The following CYP7B1 variants were observed in gnomAD, a reference collection of about 807,000 sequenced individuals.
The protein encoded by CYP7B1 is cytochrome P450 7B1.
CYP7B1 carries 29 observed loss-of-function variants against 42.7 expected under a neutral mutation model. That is an observed-to-expected ratio of 0.68 (90% confidence interval 0.51 to 0.93). The LOEUF is 0.93. CYP7B1 is among the 40% of genes least tolerant of loss of function. The probability of loss-of-function intolerance (pLI) is 0.00; values close to 1 mark genes in which losing one functional copy is unlikely to be tolerated. For synonymous variants in CYP7B1, 235 were observed against 218.2 expected (o/e 1.08, Z -0.68); for missense variants, 655 against 600.5 (o/e 1.09, Z -0.95).
intron 1 of CYP7B1, among the ~76,000 whole-genome samples, chr8:64,667,563 A>G (rs1307939292): frequency 6.6e-6 from 1 of 152,180 alleles, no homozygotes; most frequent in Non-Finnish European, 1.5e-5. Flanking sequence ...AATAACTATT[A>G]TTATCTGATC....
chr8:64,636,608 C>A (rs905825261), intron 1 of CYP7B1, among the ~76,000 whole-genome samples: 1 of 152,050 alleles, frequency 6.6e-6, no homozygotes, highest in East Asian at 1.9e-4. Context: ...TCTTTATTTG[C>A]CTAATTTAGA....
At chr8:64,608,577 G>A (rs1356984158) in intron 4 of CYP7B1, among the ~76,000 whole-genome samples, 1 of 152,092 alleles carries the variant, frequency 6.6e-6, no homozygotes, top group Non-Finnish European at 1.5e-5. Context: ...GCTGAACACT[G>A]GGTGATCTTA....
intron 1 of CYP7B1, among the ~76,000 whole-genome samples, chr8:64,666,602 A>ATGTGG (rs1806283716): frequency 6.6e-6 from 1 of 152,220 alleles, no homozygotes; most frequent in South Asian, 2.1e-4. Flanking sequence ...ACAGCTTGCC[A>ATGTGG]CAGTGGGCAG....
Position 64,658,704 on chromosome 8 carries a change from G to A in CYP7B1, c.123-34165C>T, listed in dbSNP as rs916079395. Among the ~76,000 whole-genome samples, 10 of 152,070 alleles carry A rather than the reference G, an allele frequency of 6.6e-5. No homozygotes were observed. The South Asian group carries it at 8.3e-4, about 13-fold the overall frequency. On this transcript the variant is annotated intron_variant, in intron 1 of 5. Transcript: ENST00000310193. ...CCTCATTTATGTTGTTAGGTTGTCCGCCTTCACTAAGCTCCTCTGGCTGCA... is the reference window on the plus strand; with the variant it reads ...CCTCATTTATGTTGTTAGGTTGTCCACCTTCACTAAGCTCCTCTGGCTGCA...
In CYP7B1 at chr8:64,662,918, T is replaced by A. The variant is rs78100178; in HGVS notation, c.123-38379A>T. Among the ~76,000 whole-genome samples, 187 of 152,338 alleles carry A rather than the reference T, an allele frequency of 1.2e-3. 7 individuals are homozygous for A. In the East Asian group the frequency reaches 0.03, roughly 24 times the overall value. ...ACTCTGCCTTTCCTATAGCCTGACCTCTGACAATCTATGTGAGTTCACATT... is the reference window on the plus strand; with the variant it reads ...ACTCTGCCTTTCCTATAGCCTGACCACTGACAATCTATGTGAGTTCACATT... On this transcript the variant is annotated intron_variant, in intron 1 of 5. Coordinates refer to ENST00000310193, the MANE Select transcript of CYP7B1 (RefSeq NM_004820.5).
chr8:64,617,065 GA>G (rs1336526199), intron 2 of CYP7B1, among the ~76,000 whole-genome samples: 1 of 152,144 alleles, frequency 6.6e-6, no homozygotes, highest in Non-Finnish European at 1.5e-5. Flanking sequence ...CGGCAGGGGT[GA>G]AACACAGCAT....
At chr8:64,600,931 C>G (rs547106008) in intron 5 of CYP7B1, among the ~76,000 whole-genome samples, 1 of 152,050 alleles carries the variant, frequency 6.6e-6, no homozygotes, top group Admixed American at 6.6e-5. Flanking sequence ...GGGGAAGGGA[C>G]CTTTTTATTT....
At chr8:64,716,161 TCTTA>T (rs938693641) in intron 1 of CYP7B1, among the ~76,000 whole-genome samples, 2 of 152,234 alleles carry the variant, frequency 1.3e-5, no homozygotes, top group African/African-American at 4.8e-5. Context: ...TTCTGAATTC[TCTTA>T]CTTAAAATTA....
chr8:64,667,452 C>G (rs1806298555), intron 1 of CYP7B1, among the ~76,000 whole-genome samples: 1 of 152,134 alleles, frequency 6.6e-6, no homozygotes, highest in Admixed American at 6.5e-5. Flanking sequence ...AACAAGCCAC[C>G]AATTTCCTAA....
intron 1 of CYP7B1, 69 bp from the exon 2 acceptor site, chr8:64,624,608 G>A: frequency 2.5e-6 from 4 of 1,571,574 alleles, no homozygotes; most frequent in Non-Finnish European, 3.5e-6. Context: ...AATACAGGTG[G>A]TTTATTTACT....
At chr8:64,686,991 C>A (rs1390389438) in intron 1 of CYP7B1, among the ~76,000 whole-genome samples, 34 of 132,246 alleles carry the variant, frequency 2.6e-4, no homozygotes, top group Non-Finnish European at 4.8e-4. Flanking sequence ...ACAAACACTG[C>A]GGAAGGCCGC....
At chr8:64,688,052 C>A (rs895153183) in intron 1 of CYP7B1, among the ~76,000 whole-genome samples, 15 of 152,266 alleles carry the variant, frequency 9.9e-5, no homozygotes, top group African/African-American at 3.6e-4. Flanking sequence ...ACCAAATAAA[C>A]CCTCAACCAT....
chr8:64,749,918 C>T (rs1807702876), intron 1 of CYP7B1, among the ~76,000 whole-genome samples: 2 of 152,158 alleles, frequency 1.3e-5, no homozygotes, highest in South Asian at 4.1e-4. Flanking sequence ...TAAAAAGTTT[C>T]TTGACAGCAG....
At chr8:64,614,877 A>C (rs1256978157) in intron 4 of CYP7B1, 149 bp downstream of exon 4, 7 of 757,788 alleles carry the variant, frequency 9.2e-6, no homozygotes, top group Non-Finnish European at 1.6e-5. Context: ...CTACGGCTAT[A>C]AACTACATAA....
chr8:64,667,119 A>T (rs4297065), intron 1 of CYP7B1, among the ~76,000 whole-genome samples: 24 of 151,940 alleles, frequency 1.6e-4, no homozygotes, highest in Non-Finnish European at 3.4e-4. Flanking sequence ...ATTAAACAGA[A>T]CTATTTATTC....
Position 64,592,252 on chromosome 8 carries a change from A to G in CYP7B1, c.*4390T>C, listed in dbSNP as rs1308770600. Among the ~76,000 whole-genome samples the G allele has an allele frequency of 6.6e-6, 1 of 151,978 alleles. No homozygotes were observed. The highest frequency in any genetic ancestry group is 1.5e-5 in the Non-Finnish European group (1 of 68,012). ...TTTTTAAAAATTCTAAGCCTCAATG[A>G]CTATATTTGGTTTTAATTATCATAT... is the stretch of plus-strand genomic sequence containing the variant. On this transcript the variant is annotated 3_prime_UTR_variant, in exon 6 of 6. Coordinates refer to ENST00000310193, the MANE Select transcript of CYP7B1 (RefSeq NM_004820.5).
At position 64,595,423 on chromosome 8, in the gene CYP7B1, C is replaced by T. The variant is rs971772503; in HGVS notation, c.*1219G>A. On this transcript the variant is annotated 3_prime_UTR_variant, in exon 6 of 6. Transcript: ENST00000310193. ...AGCATGAATTAACTGGACTTTATTA[C>T]CTGCCTTGCCTGCTTATATATTGCA... Among the ~76,000 whole-genome samples the T allele has an allele frequency of 1.3e-5, 2 of 152,168 alleles. No homozygotes were observed. The highest frequency in any genetic ancestry group is 4.8e-5 in the African/African-American group (2 of 41,434).
At chr8:64,673,236 G>A (rs1585846589) in intron 1 of CYP7B1, among the ~76,000 whole-genome samples, 1 of 152,232 alleles carries the variant, frequency 6.6e-6, no homozygotes, top group East Asian at 1.9e-4. Flanking sequence ...TCTGCATAAT[G>A]TATACTCCGT....
intron 1 of CYP7B1, among the ~76,000 whole-genome samples, chr8:64,735,097 T>C (rs1416644581): frequency 1.3e-5 from 2 of 152,148 alleles, no homozygotes; most frequent in Admixed American, 1.3e-4. Context: ...GGACCCCTGG[T>C]CTAGACCACT....
Sources: gnomAD v4.1 joint callset for allele counts (sites outside exome capture counted in the v4.1 genomes callset) on GRCh38, gnomAD v4.1.1 for gene constraint, MANE v1.5 for transcripts, NCBI Gene and HGNC (gene_info 2026-07-23, HGNC 2026-07-21) for gene names.